TRAF7: variants seen among roughly 807,000 people sequenced by gnomAD.
TRAF7 encodes E3 ubiquitin-protein ligase TRAF7.
TRAF7 carries 45 observed loss-of-function variants against 89.3 expected under a neutral mutation model. The ratio of observed to expected loss-of-function variants is 0.50; its 90% CI spans 0.40 to 0.65. The LOEUF (loss-of-function observed/expected upper bound fraction) is 0.65, where lower values mean the gene tolerates loss of function less well. TRAF7 is among the 30% of genes least tolerant of loss of function. The pLI, the probability that TRAF7 is intolerant of heterozygous loss-of-function variation, is 0.00. For missense variants in TRAF7, 677 were observed against 918.1 expected (o/e 0.74, Z 3.39); for synonymous variants, 406 against 369.2 (o/e 1.10, Z -1.14).
At chr16:2,157,391 G>A (rs999305409) in intron 1 of TRAF7, among the ~76,000 whole-genome samples, 23 of 152,052 alleles carry the variant, frequency 1.5e-4, no homozygotes, top group African/African-American at 5.6e-4. Flanking sequence ...TTCCACCGTG[G>A]CCCACTGGGG....
intron 14 of TRAF7, 54 bp from the exon 15 acceptor site, chr16:2,175,057 T>C (rs568753710): frequency 6.2e-7 from 1 of 1,611,780 alleles, no homozygotes; most frequent in South Asian, 1.1e-5. Context: ...GCCAGGGCGG[T>C]GTCAGCATGG....
rs993719334 is a variant in TRAF7, at chr16:2,161,330, C to T, written c.-38-2553C>T. ...AGATCCTGTGGTGTTGTCCCCGTGG[C>T]CCGGCTGCTGTTGGCCAGCTGGGAC... On this transcript the variant is annotated intron_variant, in intron 1 of 20. Transcript: ENST00000326181. This position sits in a 1 kb window ranked among gnomAD's most constrained non-coding sequence, Gnocchi z 5.2. Among the ~76,000 whole-genome samples the T allele has an allele frequency of 2.6e-5, 4 of 151,974 alleles. No individual in the cohort carries two copies. The highest frequency in any genetic ancestry group is 9.7e-5 in the African/African-American group (4 of 41,358).
Position 2,170,626 on chromosome 16 carries a change from A to G in TRAF7, c.244A>G (p.Thr82Ala), listed in dbSNP as rs759262381. The G allele has an allele frequency of 3.8e-6, 6 of 1,596,784 alleles. No individual in the cohort carries two copies. The East Asian group carries it at 9.3e-5, about 25-fold the overall frequency. Residue 82 changes from threonine (T) to alanine (A), a missense_variant, in exon 5 of 21, where the codon ACT (threonine) becomes GCT (alanine). Transcript: ENST00000326181. The part of the protein sequence containing the change: ...DEEDSMPPIS[T>A]PRRSDSAISV... The stretch of plus-strand genomic sequence containing the variant: ...TCCCTCCACACAGCCCCCCATCAGC[A>G]CTCCCCGCCGCTCCGACTCCGCCAT...
At chr16:2,175,678 A>G (rs2141295870) in intron 17 of TRAF7, 56 bp downstream of exon 17, 1 of 1,596,590 alleles carries the variant, frequency 6.3e-7, no homozygotes, top group Non-Finnish European at 8.5e-7. Flanking sequence ...AGCACTTCCC[A>G]GGCCAGCACC....
At chr16:2,174,074 T>A in intron 13 of TRAF7, 26 bp downstream of exon 13, 1 of 1,611,264 alleles carries the variant, frequency 6.2e-7, no homozygotes, top group South Asian at 1.1e-5. Flanking sequence ...CCTCAGTCTC[T>A]GCAGCCTGGC....
At chr16:2,175,468 C>T (rs1287789539) in intron 16 of TRAF7, 32 bp from the exon 17 acceptor site, 22 of 1,612,190 alleles carry the variant, frequency 1.4e-5, no homozygotes, top group African/African-American at 2.7e-5. Flanking sequence ...GTCCCTTGCC[C>T]GCCCAGCCCA....
intron 2 of TRAF7, among the ~76,000 whole-genome samples, 170 bp downstream of exon 2, chr16:2,164,171 CGCGCGCGCGCACGCGTGCGTGTGT>C (rs1050366991): frequency 5.9e-5 from 7 of 119,042 alleles, no homozygotes; most frequent in African/African-American, 1.8e-4. Context: ...CGCGCGCGCG[CGCGCGCGCGCACGCGTGCGTGTGT>C]GGTTGGGGCG....
In TRAF7 at chr16:2,160,796, C is replaced by T. The variant is rs185168133; in HGVS notation, c.-38-3087C>T. ...TCACTCCGGTTGACAACTTCCTGCC[C>T]GGCCACCCCCCAGCCTCGATGACTG... On this transcript the variant is annotated intron_variant, in intron 1 of 20. Coordinates refer to ENST00000326181, the MANE Select transcript of TRAF7 (RefSeq NM_032271.3). Among the ~76,000 whole-genome samples the T allele has an allele frequency of 5.8e-4, 88 of 152,198 alleles. 1 individual carries two copies. Among genetic ancestry groups the T allele is most frequent in the African/African-American group, 2.0e-3 (83 of 41,530 alleles).
chr16:2,169,542 C>T (rs942992985), intron 4 of TRAF7, among the ~76,000 whole-genome samples: 3 of 152,154 alleles, frequency 2.0e-5, no homozygotes, highest in Non-Finnish European at 4.4e-5. Flanking sequence ...CCCTCCTGCC[C>T]TTCCCCCGTC....
chr16:2,176,976 G>A lies in TRAF7; in HGVS notation c.*402G>A, dbSNP rs988179717. 7.3e-6 allele frequency: 3 copies of A among 410,740 alleles called. No homozygotes were observed. The highest frequency in any genetic ancestry group is 5.9e-5 in the African/African-American group (3 of 50,650). 25.4% of individuals were successfully genotyped at this position (410,740 alleles called of 1,614,324 possible). ...GACAGCTCCTCGGGACAAGGGGGCTGTGTGTGGCCTTGAGGTTGGTGTGCA... is the reference window on the plus strand; with the variant it reads ...GACAGCTCCTCGGGACAAGGGGGCTATGTGTGGCCTTGAGGTTGGTGTGCA... On this transcript the variant is annotated 3_prime_UTR_variant, in exon 21 of 21. Transcript: ENST00000326181.
At chr16:2,164,131 G>T (rs1486806924) in intron 2 of TRAF7, 130 bp downstream of exon 2, 4 of 731,034 alleles carry the variant, frequency 5.5e-6, no homozygotes, top group Non-Finnish European at 8.8e-6. Context: ...CTCGGTGGGG[G>T]GGGGTGTGGT....
At chr16:2,170,020 G>A (rs1237074145) in intron 4 of TRAF7, among the ~76,000 whole-genome samples, 3 of 152,200 alleles carry the variant, frequency 2.0e-5, no homozygotes, top group Non-Finnish European at 2.9e-5. Flanking sequence ...CTCCCTTGTC[G>A]GTGGCTCAGC....
intron 5 of TRAF7, among the ~76,000 whole-genome samples, chr16:2,170,961 C>T (rs1167988609): frequency 3.9e-5 from 6 of 152,210 alleles, no homozygotes; most frequent in Admixed American, 2.0e-4. Flanking sequence ...GAACTGGCAG[C>T]GGGAAGCACA....
chr16:2,168,117 C>G lies in TRAF7; in HGVS notation c.180C>G (p.Pro60=). ...CCTACAAGCAGCACTGCAGGACACC[C>G]TCCTCCTCCAGCACCCTTGCCTACT... ...TSTYKQHCRT[P]SSSSTLAYSP... Residue 60 remains proline (P), a synonymous_variant, in exon 4 of 21, where the codon CCC becomes CCG. Transcript: ENST00000326181. This position sits in a 1 kb window ranked among gnomAD's most constrained non-coding sequence, Gnocchi z 4.1. 4 of 1,612,312 alleles carry G rather than the reference C, an allele frequency of 2.5e-6. No homozygotes were observed. The highest frequency in any genetic ancestry group is 3.4e-6 in the Non-Finnish European group (4 of 1,179,836).
rs550508479 is a variant in TRAF7, at chr16:2,163,634, G to A, written c.-38-249G>A. The stretch of plus-strand genomic sequence containing the variant: ...GAAGAGCTGGATGGGCTCTTCGGGA[G>A]CTCAGAAAGGCTAAGCCTTGAGGGA... On this transcript the variant is annotated intron_variant, in intron 1 of 20. Coordinates refer to ENST00000326181, the MANE Select transcript of TRAF7 (RefSeq NM_032271.3). This position sits in a 1 kb window ranked among gnomAD's most constrained non-coding sequence, Gnocchi z 4.3. 5.9e-5 allele frequency: 28 copies of A among 474,584 alleles called. No individual in the cohort carries two copies. Among genetic ancestry groups the A allele is most frequent in the African/African-American group, 5.5e-4 (28 of 50,596 alleles). 29.4% of individuals were successfully genotyped at this position (474,584 alleles called of 1,614,324 possible).
chr16:2,161,436 C>T lies in TRAF7; in HGVS notation c.-38-2447C>T, dbSNP rs945244316. On this transcript the variant is annotated intron_variant, in intron 1 of 20. Transcript: ENST00000326181. The surrounding 1 kb of genome is among the most constrained non-coding windows in gnomAD (Gnocchi z 5.2). ...GTGAGGGGGAAGCCAGACAGTTGCT[C>T]TCCCAGACTGTGAGCAACAGGCACT... Among the ~76,000 whole-genome samples, 1 of 152,144 alleles carries T rather than the reference C, an allele frequency of 6.6e-6. No homozygotes were observed. The highest frequency in any genetic ancestry group is 1.5e-5 in the Non-Finnish European group (1 of 68,026).
chr16:2,156,154 G>C (rs1304902650), intron 1 of TRAF7, among the ~76,000 whole-genome samples: 1 of 152,022 alleles, frequency 6.6e-6, no homozygotes, highest in Non-Finnish European at 1.5e-5. Flanking sequence ...ACTGTTCTGG[G>C]CGCCGGGAGA....
intron 5 of TRAF7, 60 bp downstream of exon 5, chr16:2,170,790 G>A (rs1031512786): frequency 6.1e-5 from 91 of 1,480,558 alleles, no homozygotes; most frequent in African/African-American, 1.3e-4. Context: ...GCCGTGGCAC[G>A]GAGGCACCTT....
chr16:2,173,080 G>C, intron 9 of TRAF7, 102 bp from the exon 10 acceptor site: 6 of 1,072,340 alleles, frequency 5.6e-6, no homozygotes, highest in Non-Finnish European at 8.2e-6. Context: ...AGCTGGACCT[G>C]GGGTGCAGCG....
Sources: allele counts gnomAD v4.1 joint callset (sites outside exome capture counted in the v4.1 genomes callset), GRCh38; gene constraint gnomAD v4.1.1; non-coding constraint Gnocchi (gnomAD v3.1); transcripts MANE v1.5; gene names NCBI Gene and HGNC (gene_info 2026-07-23, HGNC 2026-07-21).